IGFL2: variants seen among roughly 807,000 people sequenced by gnomAD.
The protein encoded by IGFL2 is insulin growth factor-like family member 2.
IGFL2 carries 7 observed loss-of-function variants against 13.9 expected under a neutral mutation model. That is an observed-to-expected ratio of 0.51 (90% confidence interval 0.29 to 0.95). IGFL2 has a LOEUF of 0.95. Among genes scored for constraint, IGFL2 ranks in the 40% least tolerant of loss-of-function variants. The probability of loss-of-function intolerance (pLI) is 0.08; values close to 1 mark genes in which losing one functional copy is unlikely to be tolerated. For missense variants in IGFL2, 138 were observed against 147.8 expected (o/e 0.93, Z 0.34); for synonymous variants, 55 against 55.8 (o/e 0.99, Z 0.07).
chr19:46,145,295 A>G (rs1327021363), upstream of IGFL2, among the ~76,000 whole-genome samples: 3 of 152,004 alleles, frequency 2.0e-5, no homozygotes, highest in South Asian at 4.2e-4. Flanking sequence ...GGTATTGTCG[A>G]TATTCTCTCT....
the IGFL2 span, among the ~76,000 whole-genome samples, chr19:46,119,548 C>T: frequency 7.1e-6 from 1 of 141,272 alleles, no homozygotes; most frequent in South Asian, 2.2e-4. Context: ...ACTACTGGGG[C>T]CAAAGACTGG....
chr19:46,097,436 AT>A, the IGFL2 span, among the ~76,000 whole-genome samples: 1 of 151,332 alleles, frequency 6.6e-6, no homozygotes, highest in Non-Finnish European at 1.5e-5. Flanking sequence ...CAGTCTATTG[AT>A]TTTATTAATT....
chr19:46,120,607 T>A, the IGFL2 span, among the ~76,000 whole-genome samples: 13 of 150,682 alleles, frequency 8.6e-5, 1 homozygote, highest in African/African-American at 2.7e-4. Context: ...AGATAAAGAA[T>A]TAAAAATATT....
At chr19:46,148,357 G>T (rs371596164) in intron 1 of IGFL2, 60 bp downstream of exon 1, 8 of 1,399,226 alleles carry the variant, frequency 5.7e-6, no homozygotes, top group Non-Finnish European at 7.9e-6. Flanking sequence ...ATGTACCTCT[G>T]AACCTCAAAC....
chr19:46,100,609 AAG>A, the IGFL2 span, among the ~76,000 whole-genome samples: 1 of 152,214 alleles, frequency 6.6e-6, no homozygotes, highest in Non-Finnish European at 1.5e-5. Context: ...AGCACCTGGA[AAG>A]ATAAGCTATC....
intron 1 of IGFL2, among the ~76,000 whole-genome samples, chr19:46,153,767 G>A (rs943379496): frequency 1.3e-5 from 2 of 149,100 alleles, no homozygotes; most frequent in African/African-American, 2.5e-5. Flanking sequence ...GTTTTAGCTG[G>A]GTTCTTTTTT....
the IGFL2 span, among the ~76,000 whole-genome samples, chr19:46,094,208 G>A: frequency 2.0e-5 from 3 of 152,150 alleles, no homozygotes; most frequent in East Asian, 5.8e-4. Flanking sequence ...AATCAAGACA[G>A]TATCTTATTG....
the IGFL2 span, chr19:46,120,185 G>C: frequency 8.4e-7 from 1 of 1,188,660 alleles, no homozygotes; most frequent in Non-Finnish European, 1.1e-6. Flanking sequence ...GCCATCCCCA[G>C]CTGGGCTCCT....
In IGFL2 at chr19:46,160,408, C is replaced by T. The variant is rs1408156519; in HGVS notation, c.20-7C>T. 1 of 1,612,246 alleles carries T rather than the reference C, an allele frequency of 6.2e-7. No homozygotes were observed. Among genetic ancestry groups the T allele is most frequent in the East Asian group, 2.2e-5 (1 of 44,804 alleles). On this transcript the variant is annotated splice_polypyrimidine_tract_variant and splice_region_variant and intron_variant, in intron 1 of 3. Coordinates refer to ENST00000377693, the MANE Select transcript of IGFL2 (RefSeq NM_001135113.2). ...CCCATCCTTAACCTCCTTTCTTTCT[C>T]TCCCAGCTCCTGCTTATGTGTCAGT...
At chr19:46,115,376 G>T in the IGFL2 span, among the ~76,000 whole-genome samples, 1 of 152,060 alleles carries the variant, frequency 6.6e-6, no homozygotes, top group Non-Finnish European at 1.5e-5. Flanking sequence ...CAAAATATCA[G>T]GTAAGGCACA....
chr19:46,118,092 G>A, the IGFL2 span, among the ~76,000 whole-genome samples: 3 of 152,194 alleles, frequency 2.0e-5, no homozygotes, highest in South Asian at 6.2e-4. Context: ...TATAAACAAG[G>A]TAAACAGGAG....
chr19:46,111,185 C>G, the IGFL2 span: 1 of 152,630 alleles, frequency 6.6e-6, no homozygotes. Flanking sequence ...TGAAAGTAAC[C>G]CTTTTTCCAC....
At chr19:46,157,916 C>G (rs1245223564) in intron 1 of IGFL2, among the ~76,000 whole-genome samples, 1 of 152,134 alleles carries the variant, frequency 6.6e-6, no homozygotes, top group African/African-American at 2.4e-5. Context: ...ACTCCTATAA[C>G]TAATAAGTGA....
At chr19:46,171,181 T>C in the IGFL2 span, among the ~76,000 whole-genome samples, 1 of 152,214 alleles carries the variant, frequency 6.6e-6, no homozygotes, top group South Asian at 2.1e-4. Context: ...TCTTTTGTAC[T>C]CTTTCGCTTT....
At chr19:46,120,117 GC>G in the IGFL2 span, 4 of 613,640 alleles carry the variant, frequency 6.5e-6, no homozygotes, top group African/African-American at 7.7e-5. Context: ...GTGGCTCTCA[GC>G]GGGAAGGGGA....
At chr19:46,089,549 C>T in the IGFL2 span, among the ~76,000 whole-genome samples, 1 of 151,796 alleles carries the variant, frequency 6.6e-6, no homozygotes, top group Non-Finnish European at 1.5e-5. Context: ...TAAGATGGCT[C>T]TGGTGGAGGT....
At chr19:46,110,091 A>G in the IGFL2 span, among the ~76,000 whole-genome samples, 19 of 152,216 alleles carry the variant, frequency 1.2e-4, 1 homozygote, top group African/African-American at 4.6e-4. Context: ...ATAAGTTTGG[A>G]CAAGATTCCT....
At chr19:46,206,485 G>T in the IGFL2 span, among the ~76,000 whole-genome samples, 1 of 152,200 alleles carries the variant, frequency 6.6e-6, no homozygotes, top group Admixed American at 6.5e-5. Context: ...TGTGTGTGTG[G>T]GGCGGGGTGA....
chr19:46,079,290 A>C, the IGFL2 span, among the ~76,000 whole-genome samples: 16 of 152,352 alleles, frequency 1.1e-4, no homozygotes, highest in South Asian at 2.9e-3. Flanking sequence ...GTGGGACAAG[A>C]ATCCTCTGCA....
Sources: gnomAD v4.1 joint callset for allele counts (sites outside exome capture counted in the v4.1 genomes callset) on GRCh38, gnomAD v4.1.1 for gene constraint, MANE v1.5 for transcripts, NCBI Gene and HGNC (gene_info 2026-07-23, HGNC 2026-07-21) for gene names.